The following WRN variants were observed in gnomAD, a reference collection of about 807,000 sequenced individuals.
WRN encodes the protein WRN RecQ like helicase, also known as bifunctional 3'-5' exonuclease/ATP-dependent helicase WRN.
A neutral mutation model predicts 180.7 loss-of-function variants in WRN; 149 were observed. The ratio of observed to expected loss-of-function variants is 0.82; its 90% CI spans 0.72 to 0.94. The LOEUF is 0.94. WRN is among the 40% of genes least tolerant of loss of function. WRN has a pLI of 0.00. For missense variants in WRN, 1,661 were observed against 1,700.1 expected, an observed-to-expected ratio of 0.98 and a Z score of 0.40; for synonymous variants, 548 against 568.9, an observed-to-expected ratio of 0.96 and a Z score of 0.52.
intron 18 of WRN, among the ~76,000 whole-genome samples, chr8:31,105,184 A>G (rs191292428): frequency 2.8e-4 from 42 of 152,322 alleles, no homozygotes; most frequent in East Asian, 1.9e-3. Context: ...TTGAGCTCCA[A>G]TGATGTGGCT....
chr8:31,077,493 C>T (rs1813143228), intron 8 of WRN, among the ~76,000 whole-genome samples: 1 of 152,180 alleles, frequency 6.6e-6, no homozygotes, highest in Non-Finnish European at 1.5e-5. Flanking sequence ...CTGCCCGCCT[C>T]AGCCTCCCAA....
At chr8:31,036,676 T>A (rs61551528) in intron 1 of WRN, among the ~76,000 whole-genome samples, 3,374 of 152,336 alleles carry the variant, frequency 0.022, 86 homozygotes, top group East Asian at 0.072. Flanking sequence ...TCAGGTCTTT[T>A]GCTCATTTTT....
intron 7 of WRN, 83 bp from the exon 8 acceptor site, chr8:31,076,090 C>G (rs1330956792): frequency 3.6e-6 from 4 of 1,117,164 alleles, no homozygotes. Flanking sequence ...AAAATTTGAT[C>G]CCTAATATTA....
In WRN at chr8:31,091,854, C is replaced by T. The variant is rs2130178599; in HGVS notation, c.1854C>T (p.Phe618=). 1.2e-6 allele frequency: 2 copies of T among 1,613,194 alleles called. No homozygotes were observed. The highest frequency in any genetic ancestry group is 1.1e-5 in the South Asian group (1 of 91,066). Residue 618 remains phenylalanine, a synonymous_variant, in exon 16 of 35, where the codon TTC becomes TTT. Coordinates refer to ENST00000298139, the MANE Select transcript of WRN (RefSeq NM_000553.6). ...GAATGTCCAACATCCCAGCTTGCTTCCTTGGATCAGCACAGTCAGAAAATG... is the reference window on the plus strand; with the variant it reads ...GAATGTCCAACATCCCAGCTTGCTTTCTTGGATCAGCACAGTCAGAAAATG... ...QLKMSNIPAC[F]LGSAQSENVL...
At position 31,033,831 on chromosome 8, in the gene WRN, G is replaced by C. The variant is rs1300292723; in HGVS notation, c.-219G>C. Reference sequence around the variant, plus strand: ...TGATGTGTACTGTGTGCGCCGGGGAGGCGCCGGCTTGTACTCGGCAGCGCG... The same window carrying C: ...TGATGTGTACTGTGTGCGCCGGGGACGCGCCGGCTTGTACTCGGCAGCGCG... On this transcript the variant is annotated 5_prime_UTR_variant, in exon 1 of 35. Coordinates refer to ENST00000298139, the MANE Select transcript of WRN (RefSeq NM_000553.6). The C allele has an allele frequency of 1.3e-5, 2 of 152,314 alleles. No homozygotes were observed. Among genetic ancestry groups the C allele is most frequent in the Admixed American group, 6.5e-5 (1 of 15,284 alleles). 9.4% of individuals were successfully genotyped at this position (152,314 alleles called of 1,614,324 possible). A position where few individuals can be genotyped will look rare whatever the true frequency, so the allele number is the denominator to read the frequency against.
intron 18 of WRN, among the ~76,000 whole-genome samples, chr8:31,103,750 T>C (rs910094181): frequency 3.3e-5 from 5 of 152,186 alleles, no homozygotes; most frequent in Non-Finnish European, 5.9e-5. Context: ...TATTTTTCTT[T>C]TTTTGAGACA....
intron 7 of WRN, among the ~76,000 whole-genome samples, chr8:31,072,494 T>A (rs1812948735): frequency 6.6e-6 from 1 of 152,034 alleles, no homozygotes; most frequent in Admixed American, 6.5e-5. Flanking sequence ...GAGGAGTAGG[T>A]TAGATCTGAG....
At chr8:31,049,210 CAAAAAAAAA>C (rs72226104) in intron 1 of WRN, among the ~76,000 whole-genome samples, 10 of 31,802 alleles carry the variant, frequency 3.1e-4, no homozygotes, top group East Asian at 9.6e-4. Flanking sequence ...GACTCTGTCT[CAAAAAAAAA>C]AAAAAAAAAA....
At position 31,147,134 on chromosome 8, in the gene WRN, G is replaced by C. The variant is rs781501590; in HGVS notation, c.3459+6G>C. The C allele has an allele frequency of 1.6e-5, 26 of 1,613,350 alleles. No homozygotes were observed. Among genetic ancestry groups the C allele is most frequent in the Non-Finnish European group, 1.9e-5 (23 of 1,179,512 alleles). On this transcript the variant is annotated splice_donor_region_variant and intron_variant, in intron 29 of 34. Coordinates refer to ENST00000298139, the MANE Select transcript of WRN (RefSeq NM_000553.6). ...CACAAGAGCAGGAGACTCAGGTAAG[G>C]CTTTTGTAAAAAGGTAATTAGTTTA... is the stretch of plus-strand genomic sequence containing the variant.
intron 30 of WRN, among the ~76,000 whole-genome samples, chr8:31,147,884 A>ATTTTTTT (rs367782924): frequency 4.7e-5 from 6 of 126,886 alleles, no homozygotes; most frequent in Non-Finnish European, 4.9e-5. Context: ...CTTCTTCTTC[A>ATTTTTTT]TTTTTTTTTT....
At chr8:31,048,911 C>T (rs1030047593) in intron 1 of WRN, among the ~76,000 whole-genome samples, 2 of 152,078 alleles carry the variant, frequency 1.3e-5, no homozygotes, top group Non-Finnish European at 1.5e-5. Flanking sequence ...TTCTTTTCCA[C>T]ACACATGAAA....
At chr8:31,096,511 T>A (rs1813983434) in intron 16 of WRN, among the ~76,000 whole-genome samples, 1 of 152,142 alleles carries the variant, frequency 6.6e-6, no homozygotes, top group African/African-American at 2.4e-5. Flanking sequence ...TGGAATTGGG[T>A]TTGGAAAATA....
At chr8:31,126,945 A>G (rs11574326) in intron 23 of WRN, among the ~76,000 whole-genome samples, 1,842 of 152,338 alleles carry the variant, frequency 0.012, 19 homozygotes, top group Non-Finnish European at 0.021. Flanking sequence ...AGGGAACACT[A>G]TGAACAACTC....
At chr8:31,145,556 G>A (rs1395046523) in intron 28 of WRN, among the ~76,000 whole-genome samples, 1 of 152,204 alleles carries the variant, frequency 6.6e-6, no homozygotes, top group Non-Finnish European at 1.5e-5. Context: ...CATACAAGGA[G>A]ACTAACGTTG....
At chr8:31,060,559 A>G (rs34652785) in intron 3 of WRN, among the ~76,000 whole-genome samples, 15,552 of 152,274 alleles carry the variant, frequency 0.1, 941 homozygotes, top group African/African-American at 0.17. Context: ...ACAAACAAAC[A>G]AAAGGCAGAG....
intron 8 of WRN, among the ~76,000 whole-genome samples, chr8:31,079,651 G>T (rs191665332): frequency 1.3e-5 from 2 of 152,092 alleles, no homozygotes; most frequent in African/African-American, 2.4e-5. Flanking sequence ...AATTCAGCTC[G>T]TATTTATTTA....
chr8:31,113,450 G>A (rs1335807512), intron 19 of WRN, among the ~76,000 whole-genome samples: 1 of 152,158 alleles, frequency 6.6e-6, no homozygotes, highest in Non-Finnish European at 1.5e-5. Context: ...GGCCATTCTA[G>A]TGCTCTCTGA....
At chr8:31,130,198 G>A (rs561164519) in intron 23 of WRN, among the ~76,000 whole-genome samples, 2 of 151,798 alleles carry the variant, frequency 1.3e-5, no homozygotes, top group Non-Finnish European at 1.5e-5. Context: ...CTGGTAAGAG[G>A]CAACATTGAA....
intron 18 of WRN, among the ~76,000 whole-genome samples, chr8:31,108,017 C>G (rs755347592): frequency 5.3e-5 from 8 of 152,182 alleles, no homozygotes; most frequent in Non-Finnish European, 1.2e-4. Context: ...GAATTAGCAA[C>G]ATGACCTGAA....
Sources: gnomAD v4.1 joint callset for allele counts (sites outside exome capture counted in the v4.1 genomes callset) on GRCh38, gnomAD v4.1.1 for gene constraint, MANE v1.5 for transcripts, NCBI Gene and HGNC (gene_info 2026-07-23, HGNC 2026-07-21) for gene names.